PLIN1: variants seen among roughly 807,000 people sequenced by gnomAD.
PLIN1 encodes perilipin 1.
A neutral mutation model predicts 45.8 loss-of-function variants in PLIN1; 37 were observed. The observed-to-expected ratio is 0.81, with a 90% confidence interval of 0.62 to 1.06. PLIN1 has a LOEUF of 1.06. Among genes scored for constraint, PLIN1 ranks in the 50% least tolerant of loss-of-function variants. PLIN1 has a pLI of 0.00. For synonymous variants in PLIN1, 340 were observed against 309.2 expected, an observed-to-expected ratio of 1.10 and a Z score of -1.05; for missense variants, 776 against 716.5, an observed-to-expected ratio of 1.08 and a Z score of -0.95.
intron 2 of PLIN1, among the ~76,000 whole-genome samples, chr15:89,675,144 C>G (rs1056304204): frequency 3.9e-5 from 6 of 152,036 alleles, no homozygotes; most frequent in Non-Finnish European, 7.4e-5. Flanking sequence ...AAACAACACT[C>G]AAAGACAGCA....
At chr15:89,671,187 C>A (rs1567078376) in intron 4 of PLIN1, among the ~76,000 whole-genome samples, 1 of 152,192 alleles carries the variant, frequency 6.6e-6, no homozygotes, top group Admixed American at 6.5e-5. Context: ...GACTATGGAA[C>A]CTCAGATCCC....
intron 4 of PLIN1, 142 bp from the exon 5 acceptor site, chr15:89,670,386 C>T (rs1019629656): frequency 6.0e-6 from 5 of 836,914 alleles, no homozygotes; most frequent in Non-Finnish European, 9.3e-6. Flanking sequence ...TATTTAGGTA[C>T]CTGGAATTAA....
At chr15:89,669,832 T>C (rs1392214961) in intron 5 of PLIN1, 148 bp downstream of exon 5, 1 of 165,944 alleles carries the variant, frequency 6.0e-6, no homozygotes, top group Non-Finnish European at 1.0e-5. Flanking sequence ...GGGGTGGGGG[T>C]GGGGGGGGTA....
chr15:89,669,086 T>G (rs1964395721), intron 6 of PLIN1, among the ~76,000 whole-genome samples: 1 of 151,984 alleles, frequency 6.6e-6, no homozygotes, highest in Non-Finnish European at 1.5e-5. Context: ...CAAAATGGGT[T>G]GTATACTTTG....
chr15:89,665,880 G>T lies in PLIN1; in HGVS notation c.1272C>A (p.Ala424=). 2.0e-6 allele frequency: 3 copies of T among 1,521,946 alleles called. No individual in the cohort carries two copies. The highest frequency in any genetic ancestry group is 2.0e-5 in the Admixed American group (1 of 50,630). 94.3% of individuals were successfully genotyped at this position (1,521,946 alleles called of 1,614,324 possible). Residue 424 remains alanine, a synonymous_variant, in exon 9 of 9, where the codon GCC becomes GCA. Coordinates refer to ENST00000300055, the MANE Select transcript of PLIN1 (RefSeq NM_002666.5). ...GCTCCGCCTCCCGGCGCTCGACCTC[G>T]GCTGGTGGGTTGTCGATGTCCCGGA... is the stretch of plus-strand genomic sequence containing the variant. ...SEFRDIDNPP[A]EVERREAERR...
Position 89,664,449 on chromosome 15 carries a change from A to G in PLIN1, c.*1134T>C, listed in dbSNP as rs1964299615. 6.5e-6 allele frequency: 1 copy of G among 154,544 alleles called. No individual in the cohort carries two copies. Among genetic ancestry groups the G allele is most frequent in the Non-Finnish European group, 1.4e-5 (1 of 69,708 alleles). 9.6% of individuals were successfully genotyped at this position (154,544 alleles called of 1,614,324 possible). On this transcript the variant is annotated 3_prime_UTR_variant, in exon 9 of 9. Coordinates refer to ENST00000300055, the MANE Select transcript of PLIN1 (RefSeq NM_002666.5). ...GGAAACAACTTAAAAGTCCATCATT[A>G]GGGAACTAGTTAAATCAAATAAGGC...
chr15:89,669,831 G>T (rs1567077596), intron 5 of PLIN1, 149 bp downstream of exon 5: 1 of 853,968 alleles, frequency 1.2e-6, no homozygotes, highest in East Asian at 2.9e-5. Flanking sequence ...TGGGGTGGGG[G>T]TGGGGGGGGT....
At position 89,667,052 on chromosome 15, in the gene PLIN1, G is replaced by C; in HGVS notation, c.1093C>G (p.Leu365Val). 6.2e-7 allele frequency: 1 copy of C among 1,614,122 alleles called. No individual in the cohort carries two copies. Among genetic ancestry groups the C allele is most frequent in the Non-Finnish European group, 8.5e-7 (1 of 1,180,008 alleles). The change falls in exon 8 of 9, where the codon CTG (leucine) becomes GTG (valine). Residue 365 changes from leucine (L) to valine (V), a missense_variant. Leu to Val is a conservative substitution (Grantham distance 32, BLOSUM62 1). Coordinates refer to ENST00000300055, the MANE Select transcript of PLIN1 (RefSeq NM_002666.5). ...ACAGCAGGGGCTGGTGTGAGGTGCA[G>C]CACCCTCCCTGCCATGCCCAGCACA... ...AAVLGMAGRV[L>V]HLTPAPAVSS... is the part of the protein sequence containing the mutation.
At position 89,667,074 on chromosome 15, in the gene PLIN1, C is replaced by T. The variant is rs141229584; in HGVS notation, c.1071G>A (p.Val357=). 5.5e-5 allele frequency: 89 copies of T among 1,614,016 alleles called. 1 individual carries two copies. The East Asian group carries it at 5.8e-4, about 11-fold the overall frequency. The change falls in exon 8 of 9, where the codon GTG becomes GTA. Residue 357 remains valine (V), a synonymous_variant. Transcript: ENST00000300055. ...GCAGCACCCTCCCTGCCATGCCCAG[C>T]ACAGCTGCAGGTGCCCATGTCACAG... ...ISAVTWAPAA[V]LGMAGRVLHL... is the part of the protein sequence containing the mutation.
chr15:89,674,182 TC>T (rs2141536708), intron 2 of PLIN1, among the ~76,000 whole-genome samples: 1 of 152,340 alleles, frequency 6.6e-6, no homozygotes, highest in South Asian at 2.1e-4. Context: ...CTGCACAGAA[TC>T]ACAGAATCTT....
chr15:89,667,467 G>A (rs140074678), intron 7 of PLIN1, 135 bp downstream of exon 7: 5 of 1,361,162 alleles, frequency 3.7e-6, no homozygotes, highest in African/African-American at 1.4e-5. Context: ...GGGCATTTGG[G>A]GGTGGGGTGA....
chr15:89,668,699 T>G lies in PLIN1; in HGVS notation c.771+801A>C, dbSNP rs9944215. ...GAGGTTCTGCCCACTGCAGGCGGGG[T>G]CCAGGCATGTGACTCAGTCTCAGCT... On this transcript the variant is annotated intron_variant, in intron 6 of 8. Transcript: ENST00000300055. Among the ~76,000 whole-genome samples, 221 of 152,218 alleles carry G rather than the reference T, an allele frequency of 1.5e-3. 2 individuals carry two copies. The highest frequency in any genetic ancestry group is 5.0e-3 in the African/African-American group (207 of 41,530).
In PLIN1 at chr15:89,669,607, C is replaced by T. The variant is rs1339950589; in HGVS notation, c.664G>A (p.Val222Ile). 1 of 1,614,028 alleles carries T rather than the reference C, an allele frequency of 6.2e-7. No homozygotes were observed. Among genetic ancestry groups the T allele is most frequent in the Admixed American group, 1.7e-5 (1 of 60,032 alleles). Residue 222 changes from valine (V) to isoleucine (I), a missense_variant, in exon 6 of 9, where the codon GTT becomes ATT. By Grantham distance (29) the Val-to-Ile change is conservative (BLOSUM62 3). Transcript: ENST00000300055. ...PKAKPSLLSR[V>I]GALTNTLSRY... ...GAGAGGGTGTTGGTCAGAGCCCCAA[C>T]CCTGCTCAAGAGGCTTGGCTTGGCC...
chr15:89,673,158 G>A lies in PLIN1; in HGVS notation c.250+52C>T, dbSNP rs113165700. 2.0e-3 allele frequency: 2,685 copies of A among 1,337,864 alleles called. 7 individuals carry two copies. The highest frequency in any genetic ancestry group is 2.4e-3 in the African/African-American group (167 of 69,206). The allele number at this position is 1,337,864 out of a possible 1,614,324, so 82.9% of individuals were successfully genotyped here. A position where few individuals can be genotyped will look rare whatever the true frequency, so the allele number is the denominator to read the frequency against. ...AGACTGAGAGGCGGACAGACAGACT[G>A]GAAGGTAGGCAGTGAACAAGCAGGC... On this transcript the variant is annotated intron_variant, in intron 3 of 8. Transcript: ENST00000300055.
intron 1 of PLIN1, among the ~76,000 whole-genome samples, chr15:89,678,741 C>A (rs924188533): frequency 3.3e-5 from 5 of 152,054 alleles, no homozygotes; most frequent in Non-Finnish European, 4.4e-5. Context: ...CAGTGAGATG[C>A]CCATCTCTAA....
chr15:89,666,815 G>A, intron 8 of PLIN1, 121 bp downstream of exon 8: 5 of 1,102,332 alleles, frequency 4.5e-6, no homozygotes, highest in East Asian at 2.5e-5. Context: ...CTGGAGTGGG[G>A]GGCGGTCTCC....
chr15:89,675,763 A>G (rs900150442), intron 2 of PLIN1, among the ~76,000 whole-genome samples: 11 of 152,146 alleles, frequency 7.2e-5, no homozygotes, highest in African/African-American at 2.7e-4. Flanking sequence ...CAGCACTGTC[A>G]CCAACACTGA....
chr15:89,674,842 C>T (rs1964491432), intron 2 of PLIN1, among the ~76,000 whole-genome samples: 2 of 152,072 alleles, frequency 1.3e-5, no homozygotes, highest in Admixed American at 6.5e-5. Context: ...GGACATGCTA[C>T]AGTTTTACAT....
chr15:89,666,753 C>T (rs768879031), intron 8 of PLIN1, among the ~76,000 whole-genome samples, 183 bp downstream of exon 8: 101 of 152,316 alleles, frequency 6.6e-4, no homozygotes, highest in Non-Finnish European at 1.1e-3. Flanking sequence ...CCTCTATACT[C>T]CTGGGGCTGG....
Sources: allele counts gnomAD v4.1 joint callset (sites outside exome capture counted in the v4.1 genomes callset), GRCh38; gene constraint gnomAD v4.1.1; transcripts MANE v1.5; gene names NCBI Gene and HGNC (gene_info 2026-07-23, HGNC 2026-07-21).